Variants in RGS6 observed in about 807,000 individuals in gnomAD.
The protein encoded by RGS6 is regulator of G-protein signaling 6.
A neutral mutation model predicts 78.5 loss-of-function variants in RGS6; 30 were observed. The observed-to-expected ratio is 0.38, with a 90% CI of 0.29 to 0.52. The LOEUF (loss-of-function observed/expected upper bound fraction) is 0.52, where lower values mean the gene tolerates loss of function less well. Among genes scored for constraint, RGS6 ranks in the 20% least tolerant of loss-of-function variants. The pLI is 0.85. For missense variants in RGS6, 495 were observed against 609.7 expected (o/e 0.81, Z 1.98); for synonymous variants, 206 against 206.0 (o/e 1.00, Z 0.00).
At chr14:72,600,384 C>T in the RGS6 span, among the ~76,000 whole-genome samples, 6 of 145,650 alleles carry the variant, frequency 4.1e-5, no homozygotes, top group African/African-American at 1.2e-4. Context: ...ACCCCTACTT[C>T]CCTGACGAAC....
the RGS6 span, among the ~76,000 whole-genome samples, chr14:72,620,909 G>T: frequency 6.6e-6 from 1 of 152,230 alleles, no homozygotes; most frequent in South Asian, 2.1e-4. Flanking sequence ...GGGAGGCCAA[G>T]GCGCGTGGTT....
intron 3 of RGS6, among the ~76,000 whole-genome samples, chr14:72,398,582 G>A (rs1054793029): frequency 6.6e-6 from 1 of 151,874 alleles, no homozygotes; most frequent in Non-Finnish European, 1.5e-5. Context: ...GTCATTTCTT[G>A]CCTTCTGCTA....
At chr14:72,298,996 TA>T (rs1455337031) in intron 2 of RGS6, among the ~76,000 whole-genome samples, 12 of 152,230 alleles carry the variant, frequency 7.9e-5, no homozygotes, top group Non-Finnish European at 1.0e-4. Context: ...TCTTCTTGGG[TA>T]ATTTTGTTCT....
At chr14:72,528,489 G>A (rs2097144750) in intron 15 of RGS6, among the ~76,000 whole-genome samples, 1 of 152,134 alleles carries the variant, frequency 6.6e-6, no homozygotes, top group Non-Finnish European at 1.5e-5. Context: ...TAGAGCATTG[G>A]TTTATCATCA....
At chr14:72,378,794 T>C (rs142210054) in intron 3 of RGS6, among the ~76,000 whole-genome samples, 79 of 152,270 alleles carry the variant, frequency 5.2e-4, no homozygotes, top group African/African-American at 1.9e-3. Context: ...TTTCTTAAAC[T>C]ATTCCAAAAA....
At position 72,476,849 on chromosome 14, in the gene RGS6, A is replaced by G. The variant is rs2153352213; in HGVS notation, c.792+9A>G. On this transcript the variant is annotated intron_variant, in intron 11 of 17. Transcript: ENST00000553525. ...AGGACATCCGGAAACAGGTGAATGA[A>G]TTGACAGCTTGCACTCTCAGGAGGA... 6.2e-7 allele frequency: 1 copy of G among 1,611,266 alleles called. No homozygotes were observed. The highest frequency in any genetic ancestry group is 1.7e-4 in the Middle Eastern group (1 of 6,060).
chr14:72,462,468 G>T (rs900745784), intron 6 of RGS6, among the ~76,000 whole-genome samples: 5 of 152,104 alleles, frequency 3.3e-5, no homozygotes, highest in African/African-American at 1.2e-4. Context: ...ATAAGATGGG[G>T]GTAATAACAG....
intron 3 of RGS6, among the ~76,000 whole-genome samples, chr14:72,444,070 C>G (rs1039260502): frequency 1.3e-5 from 2 of 152,200 alleles, no homozygotes; most frequent in African/African-American, 2.4e-5. Context: ...CCTCCACCCC[C>G]ACGTCTGCTG....
At chr14:72,303,382 T>A (rs927503072) in intron 2 of RGS6, among the ~76,000 whole-genome samples, 3 of 152,126 alleles carry the variant, frequency 2.0e-5, no homozygotes, top group Admixed American at 6.6e-5. Context: ...GTGCCTATAA[T>A]CCCAGCTACT....
intron 10 of RGS6, among the ~76,000 whole-genome samples, chr14:72,475,686 G>A (rs1031872833): frequency 5.3e-5 from 8 of 152,032 alleles, no homozygotes; most frequent in African/African-American, 1.7e-4. Context: ...CAGAGATCGC[G>A]CCATTGTACT....
At chr14:72,264,330 T>C (rs1346371313) in intron 2 of RGS6, among the ~76,000 whole-genome samples, 4 of 152,264 alleles carry the variant, frequency 2.6e-5, no homozygotes, top group Non-Finnish European at 5.9e-5. Flanking sequence ...TTCCAAAGTT[T>C]AAAGTATGTA....
the RGS6 span, among the ~76,000 whole-genome samples, chr14:72,572,403 T>C: frequency 6.6e-6 from 1 of 152,212 alleles, no homozygotes; most frequent in Non-Finnish European, 1.5e-5. Flanking sequence ...CAAATGTCTG[T>C]CAACTGGTAA....
the RGS6 span, among the ~76,000 whole-genome samples, chr14:71,890,462 C>T: frequency 6.6e-6 from 1 of 152,094 alleles, no homozygotes; most frequent in South Asian, 2.1e-4. Flanking sequence ...TTCTATGGCA[C>T]CTGTCTTCCT....
At chr14:72,324,854 C>T (rs1405476264) in intron 2 of RGS6, among the ~76,000 whole-genome samples, 1 of 152,062 alleles carries the variant, frequency 6.6e-6, no homozygotes, top group African/African-American at 2.4e-5. Context: ...GATTTATAAT[C>T]CTTTGGGTAT....
At chr14:72,443,893 G>A (rs938567783) in intron 3 of RGS6, among the ~76,000 whole-genome samples, 3 of 152,238 alleles carry the variant, frequency 2.0e-5, no homozygotes, top group Admixed American at 6.5e-5. Context: ...AGCCACCCTC[G>A]GGGAACAGAA....
intron 3 of RGS6, among the ~76,000 whole-genome samples, chr14:72,362,115 G>C (rs1025731048): frequency 6.6e-6 from 1 of 152,184 alleles, no homozygotes; most frequent in African/African-American, 2.4e-5. Context: ...CTGTTGCTAT[G>C]TGCCAGGCTC....
rs1481063545 is a variant in RGS6 at position 72,102,868 on chromosome 14, G to A, written c.84+137993G>A. Among the ~76,000 whole-genome samples, 4 of 152,106 alleles carry A rather than the reference G, an allele frequency of 2.6e-5. No individual in the cohort carries two copies. In the South Asian group the frequency reaches 6.2e-4, roughly 24 times the overall value. On this transcript the variant is annotated intron_variant, in intron 2 of 17. Transcript: ENST00000553525. The stretch of plus-strand genomic sequence containing the variant: ...ATATTTTTTTCTTAAAAGTCTACTC[G>A]TTCGTGAAATCACAAGTTCACACTC...
intron 2 of RGS6, among the ~76,000 whole-genome samples, chr14:72,127,673 G>A (rs2153582802): frequency 6.6e-6 from 1 of 152,246 alleles, no homozygotes; most frequent in East Asian, 1.9e-4. Context: ...ATAACACAGA[G>A]TTCTAGCGTT....
chr14:71,956,829 G>A (rs114578662), intron 1 of RGS6, among the ~76,000 whole-genome samples: 296 of 152,298 alleles, frequency 1.9e-3, no homozygotes, highest in African/African-American at 6.9e-3. Flanking sequence ...GAGGGTATGT[G>A]CAAGGGAGTG....
Sources: allele counts gnomAD v4.1 joint callset (sites outside exome capture counted in the v4.1 genomes callset), GRCh38; gene constraint gnomAD v4.1.1; transcripts MANE v1.5; gene names NCBI Gene and HGNC (gene_info 2026-07-23, HGNC 2026-07-21).